The following PSAP variants were observed in gnomAD, a reference collection of about 807,000 sequenced individuals.
PSAP encodes the protein precursor of saposins.
PSAP carries 25 observed loss-of-function variants against 66.0 expected under a neutral mutation model. The ratio of observed to expected loss-of-function variants is 0.38; its 90% CI spans 0.28 to 0.53. The LOEUF is 0.53. PSAP is among the 20% of genes least tolerant of loss of function. The probability of loss-of-function intolerance (pLI) is 0.83; values close to 1 mark genes in which losing one functional copy is unlikely to be tolerated. For synonymous variants in PSAP, 273 were observed against 258.9 expected (o/e 1.05, Z -0.52); for missense variants, 649 against 668.8 (o/e 0.97, Z 0.33).
rs897125890 is a variant in PSAP, at chr10:71,818,882, G to T, written c.1431+149C>A. The T allele has an allele frequency of 6.0e-6, 6 of 1,007,422 alleles. No individual in the cohort carries two copies. In the African/African-American group the frequency reaches 6.4e-5, roughly 11 times the overall value. 62.4% of individuals were successfully genotyped at this position (1,007,422 alleles called of 1,614,324 possible). A position where few individuals can be genotyped will look rare whatever the true frequency, so the allele number is the denominator to read the frequency against. On this transcript the variant is annotated intron_variant, in intron 12 of 13. Transcript: ENST00000394936. ...GTTGCTGAGGAAAGCGATGGGGCTTGGGGGGCTGGCTCCCTACCTTCTTGG... is the reference window on the plus strand; with the variant it reads ...GTTGCTGAGGAAAGCGATGGGGCTTTGGGGGCTGGCTCCCTACCTTCTTGG...
intron 2 of PSAP, among the ~76,000 whole-genome samples, chr10:71,832,914 G>A (rs1842546624): frequency 6.6e-6 from 1 of 151,786 alleles, no homozygotes; most frequent in Admixed American, 6.6e-5. Context: ...CTACTTGGCA[G>A]GCTGAGGCAG....
At position 71,818,883 on chromosome 10, in the gene PSAP, G is replaced by C. The variant is rs151080795; in HGVS notation, c.1431+148C>G. On this transcript the variant is annotated intron_variant, in intron 12 of 13. Transcript: ENST00000394936. ...TTGCTGAGGAAAGCGATGGGGCTTG[G>C]GGGGCTGGCTCCCTACCTTCTTGGC... 1,779 of 1,010,972 alleles carry C rather than the reference G, an allele frequency of 1.8e-3. 7 individuals carry two copies. The highest frequency in any genetic ancestry group is 1.8e-3 in the Non-Finnish European group (1,178 of 652,852). 62.6% of individuals were successfully genotyped at this position (1,010,972 alleles called of 1,614,324 possible).
chr10:71,846,254 T>C (rs1306125268), intron 1 of PSAP, among the ~76,000 whole-genome samples: 1 of 152,142 alleles, frequency 6.6e-6, no homozygotes, highest in Non-Finnish European at 1.5e-5. Context: ...AATGAGATAA[T>C]GTGAAACTTC....
At chr10:71,847,559 G>C (rs1232249475) in intron 1 of PSAP, among the ~76,000 whole-genome samples, 1 of 151,610 alleles carries the variant, frequency 6.6e-6, no homozygotes, top group Non-Finnish European at 1.5e-5. Flanking sequence ...ATAACAACCT[G>C]TCAGGCTTCT....
chr10:71,835,552 T>C (rs1589454918), intron 1 of PSAP, among the ~76,000 whole-genome samples: 1 of 152,152 alleles, frequency 6.6e-6, no homozygotes, highest in South Asian at 2.1e-4. Context: ...AGCGGTGAGC[T>C]ACCATACCTA....
rs764061004 is a variant in PSAP, at chr10:71,834,459, C to G, written c.87G>C (p.Ser29=). The change falls in exon 2 of 14, where the codon TCG becomes TCC. Residue 29 remains serine, a synonymous_variant. Coordinates refer to ENST00000394936, the MANE Select transcript of PSAP (RefSeq NM_002778.4). The stretch of plus-strand genomic sequence containing the variant: ...TCTTCACATTCTGGCACCACACTGC[C>G]GAGCCCCTGGTGCATTCTTTCAGTC... ...VLGLKECTRG[S]AVWCQNVKTA... is the part of the protein sequence containing the mutation. 6.2e-7 allele frequency: 1 copy of G among 1,613,896 alleles called. No individual in the cohort carries two copies. Among genetic ancestry groups the G allele is most frequent in the Non-Finnish European group, 8.5e-7 (1 of 1,179,974 alleles).
chr10:71,845,549 T>C (rs965558311), intron 1 of PSAP, among the ~76,000 whole-genome samples: 1 of 152,246 alleles, frequency 6.6e-6, no homozygotes, highest in Non-Finnish European at 1.5e-5. Flanking sequence ...AGGGAGCTGC[T>C]ACCAGGCTGT....
intron 1 of PSAP, among the ~76,000 whole-genome samples, chr10:71,845,169 A>T (rs1409636170): frequency 6.6e-6 from 1 of 152,208 alleles, no homozygotes; most frequent in African/African-American, 2.4e-5. Context: ...CTTGGAACAT[A>T]ACCCCCAAGG....
chr10:71,850,378 C>T (rs1842905370), intron 1 of PSAP, among the ~76,000 whole-genome samples: 1 of 152,216 alleles, frequency 6.6e-6, no homozygotes, highest in African/African-American at 2.4e-5. Context: ...TTCAGATAAA[C>T]TCAACCAATT....
At chr10:71,846,357 T>C (rs185240017) in intron 1 of PSAP, among the ~76,000 whole-genome samples, 7 of 151,342 alleles carry the variant, frequency 4.6e-5, no homozygotes, top group Admixed American at 3.9e-4. Context: ...ATAAAGCAAT[T>C]AGTACTTTTG....
At position 71,819,047 on chromosome 10, in the gene PSAP, G is replaced by A. The variant is rs751557455; in HGVS notation, c.1415C>T (p.Pro472Leu). The change falls in exon 12 of 14, where the codon CCT (proline) becomes CTT (leucine). Residue 472 changes from proline to leucine, a missense_variant. Transcript: ENST00000394936. ...GAGGCTCACCAAGCACACGAAGGAAGGATCCATCACCTCCACCAGGATCTC... is the reference window on the plus strand; with the variant it reads ...GAGGCTCACCAAGCACACGAAGGAAAGATCCATCACCTCCACCAGGATCTC... ...LIEILVEVMD[P>L]SFVCLKIGAC... The A allele has an allele frequency of 5.0e-6, 8 of 1,614,018 alleles. No homozygotes were observed. The African/African-American group carries it at 1.1e-4, about 22-fold the overall frequency.
intron 1 of PSAP, among the ~76,000 whole-genome samples, chr10:71,845,924 C>T (rs1312652580): frequency 6.6e-6 from 1 of 152,182 alleles, no homozygotes; most frequent in East Asian, 1.9e-4. Context: ...ACTAATTATA[C>T]CCAGCATGTA....
rs781415981 is a variant in PSAP, at chr10:71,833,016, CA to C, written c.175-1097del. Among the ~76,000 whole-genome samples the C allele has an allele frequency of 6.1e-4, 31 of 50,700 alleles. 2 individuals are homozygous for C. Among genetic ancestry groups the C allele is most frequent in the East Asian group, 1.2e-3 (2 of 1,624 alleles). The allele number at this position is 50,700 out of a possible 152,430, so 33.3% of individuals were successfully genotyped here. A position where few individuals can be genotyped will look rare whatever the true frequency, so the allele number is the denominator to read the frequency against. ...TAGGCAACAGAGTGAGAGTCCATCTCAAAAAAAAAAAAAAACAAAAAACAAA... is the reference window on the plus strand; with the variant it reads ...TAGGCAACAGAGTGAGAGTCCATCTCAAAAAAAAAAAAAACAAAAAACAAA... On this transcript the variant is annotated intron_variant, in intron 2 of 13. Coordinates refer to ENST00000394936, the MANE Select transcript of PSAP (RefSeq NM_002778.4).
In PSAP at chr10:71,834,558, G is replaced by A. The variant is rs7072021; in HGVS notation, c.41-53C>T. On this transcript the variant is annotated intron_variant, in intron 1 of 13. Coordinates refer to ENST00000394936, the MANE Select transcript of PSAP (RefSeq NM_002778.4). Reference sequence around the variant, plus strand: ...GGCCCATTTTGTAGCAAACCAGGTCGACCTGACTTATTTCCCCAGGGCTGA... The same window carrying A: ...GGCCCATTTTGTAGCAAACCAGGTCAACCTGACTTATTTCCCCAGGGCTGA... 12,755 of 1,602,334 alleles carry A rather than the reference G, an allele frequency of 8.0e-3. 846 individuals carry two copies. The African/African-American group carries it at 0.15, about 19-fold the overall frequency.
chr10:71,817,207 T>A lies in PSAP; in HGVS notation c.*234A>T. 1.6e-6 allele frequency: 1 copy of A among 612,954 alleles called. No individual in the cohort carries two copies. 38.0% of individuals were successfully genotyped at this position (612,954 alleles called of 1,614,324 possible). A position where few individuals can be genotyped will look rare whatever the true frequency, so the allele number is the denominator to read the frequency against. ...CAAGGGCAGGCTAAAAGACCTCCAG[T>A]GCATCAACATCCATCTAGCAGAGAG... On this transcript the variant is annotated 3_prime_UTR_variant, in exon 14 of 14. Transcript: ENST00000394936.
chr10:71,834,572 C>T (rs1842586328), intron 1 of PSAP, 67 bp from the exon 2 acceptor site: 2 of 1,587,224 alleles, frequency 1.3e-6, no homozygotes, highest in Non-Finnish European at 8.6e-7. Context: ...TGACTTATTT[C>T]CCCAGGGCTG....
chr10:71,830,100 G>A (rs1044033052), intron 4 of PSAP, among the ~76,000 whole-genome samples: 1 of 152,142 alleles, frequency 6.6e-6, no homozygotes, highest in African/African-American at 2.4e-5. Context: ...TAACACGATG[G>A]CTTTCAACAC....
chr10:71,832,315 C>T (rs2133049817), intron 2 of PSAP, among the ~76,000 whole-genome samples: 1 of 152,264 alleles, frequency 6.6e-6, no homozygotes, highest in Non-Finnish European at 1.5e-5. Context: ...TGAAGGCACA[C>T]CCACACTGAA....
chr10:71,843,566 G>C (rs193233311), intron 1 of PSAP, among the ~76,000 whole-genome samples: 35 of 152,272 alleles, frequency 2.3e-4, no homozygotes, highest in African/African-American at 8.2e-4. Flanking sequence ...ATTTTTTAAA[G>C]GCAGTATCTG....
Sources: gnomAD v4.1 joint callset for allele counts (sites outside exome capture counted in the v4.1 genomes callset) on GRCh38, gnomAD v4.1.1 for gene constraint, MANE v1.5 for transcripts, NCBI Gene and HGNC (gene_info 2026-07-23, HGNC 2026-07-21) for gene names.